Variants in PGGT1B observed in about 807,000 individuals in gnomAD.
PGGT1B encodes geranylgeranyl transferase type-1 subunit beta.
A neutral mutation model predicts 46.1 loss-of-function variants in PGGT1B; 30 were observed. The observed-to-expected ratio is 0.65, with a 90% CI of 0.49 to 0.88. The LOEUF (loss-of-function observed/expected upper bound fraction) is 0.88, where lower values mean the gene tolerates loss of function less well. Ranked by LOEUF, PGGT1B falls within the 40% of genes least tolerant of loss-of-function variation. The pLI is 0.00. For missense variants in PGGT1B, 376 were observed against 455.9 expected (o/e 0.82, Z 1.60); for synonymous variants, 170 against 160.0 (o/e 1.06, Z -0.47).
In PGGT1B at chr5:115,206,878, T is replaced by G. The variant is rs1024636256; in HGVS notation, c.*5524A>C. Reference sequence around the variant, plus strand: ...TGGTCCCCTCTAATTCTTTTCAGTTTCCATGGTTATTCTAGTATGTTCTCT... The same window carrying G: ...TGGTCCCCTCTAATTCTTTTCAGTTGCCATGGTTATTCTAGTATGTTCTCT... On this transcript the variant is annotated 3_prime_UTR_variant, in exon 9 of 9. Transcript: ENST00000419445. 25 of 151,886 alleles carry G rather than the reference T, an allele frequency of 1.6e-4. No individual in the cohort carries two copies. Among genetic ancestry groups the G allele is most frequent in the African/African-American group, 5.8e-4 (24 of 41,412 alleles). The allele number at this position is 151,886 out of a possible 1,614,324, so 9.4% of individuals were successfully genotyped here. A position where few individuals can be genotyped will look rare whatever the true frequency, so the allele number is the denominator to read the frequency against.
intron 6 of PGGT1B, among the ~76,000 whole-genome samples, chr5:115,229,831 T>C (rs766314939): frequency 2.0e-5 from 3 of 152,084 alleles, no homozygotes; most frequent in Non-Finnish European, 4.4e-5. Flanking sequence ...CTCCATCTCA[T>C]AGAGACTCAG....
At chr5:115,239,977 A>T (rs1757300824) in intron 3 of PGGT1B, among the ~76,000 whole-genome samples, 1 of 152,166 alleles carries the variant, frequency 6.6e-6, no homozygotes, top group Non-Finnish European at 1.5e-5. Flanking sequence ...CAGTGACAAT[A>T]TTTTATTCAT....
chr5:115,242,417 A>G (rs1283099572), intron 2 of PGGT1B, among the ~76,000 whole-genome samples: 1 of 152,206 alleles, frequency 6.6e-6, no homozygotes, highest in Non-Finnish European at 1.5e-5. Flanking sequence ...AAAAAAATCG[A>G]GTTGGTCTAA....
intron 7 of PGGT1B, among the ~76,000 whole-genome samples, chr5:115,218,080 G>C (rs1314391069): frequency 1.3e-5 from 2 of 151,704 alleles, no homozygotes; most frequent in Non-Finnish European, 3.0e-5. Context: ...ACCTTATATA[G>C]CATTGGAAGG....
intron 5 of PGGT1B, among the ~76,000 whole-genome samples, chr5:115,233,664 A>G (rs1273745695): frequency 6.6e-6 from 1 of 152,036 alleles, no homozygotes; most frequent in Admixed American, 6.6e-5. Context: ...AAAATGGTCA[A>G]TTACACTCAT....
At chr5:115,258,591 C>T (rs1424277849) in intron 1 of PGGT1B, among the ~76,000 whole-genome samples, 1 of 152,178 alleles carries the variant, frequency 6.6e-6, no homozygotes, top group African/African-American at 2.4e-5. Context: ...TTCTGCTCAA[C>T]ACTCACTTCT....
Position 115,253,234 on chromosome 5 carries a change from T to C in PGGT1B, c.162A>G (p.Ala54=). Residue 54 remains alanine, a synonymous_variant, in exon 2 of 9, where the codon GCA becomes GCG. Coordinates refer to ENST00000419445, the MANE Select transcript of PGGT1B (RefSeq NM_005023.4). ...AATCCAACATATCCAGCCCGGAGAGTGCAAAAAATGCAATTGTCAACCTAA... is the reference window on the plus strand; with the variant it reads ...AATCCAACATATCCAGCCCGGAGAGCGCAAAAAATGCAATTGTCAACCTAA... ...ETSRLTIAFF[A]LSGLDMLDSL... The C allele has an allele frequency of 1.9e-6, 3 of 1,575,304 alleles. No homozygotes were observed. The highest frequency in any genetic ancestry group is 1.7e-4 in the Middle Eastern group (1 of 5,956).
At chr5:115,225,439 G>T (rs1756742337) in intron 6 of PGGT1B, among the ~76,000 whole-genome samples, 1 of 152,120 alleles carries the variant, frequency 6.6e-6, no homozygotes, top group South Asian at 2.1e-4. Flanking sequence ...CAGTGTAACA[G>T]TTATAACTTA....
At chr5:115,256,012 T>A (rs1456183435) in intron 1 of PGGT1B, among the ~76,000 whole-genome samples, 1 of 152,150 alleles carries the variant, frequency 6.6e-6, no homozygotes, top group Non-Finnish European at 1.5e-5. Context: ...GGGTGTAAGG[T>A]GGGGTCTGGG....
At chr5:115,240,755 G>C (rs1757322998) in intron 3 of PGGT1B, among the ~76,000 whole-genome samples, 1 of 152,206 alleles carries the variant, frequency 6.6e-6, no homozygotes, top group Admixed American at 6.5e-5. Flanking sequence ...TGGATACTCA[G>C]CCCAACAAGA....
Position 115,210,717 on chromosome 5 carries a change from T to C in PGGT1B, c.*1685A>G, listed in dbSNP as rs1008704617. On this transcript the variant is annotated 3_prime_UTR_variant, in exon 9 of 9. Transcript: ENST00000419445. ...TTTATATAGTCCTAAAGCCATTATATATATGCTACTTTAACTTCCAATGTC... is the reference window on the plus strand; with the variant it reads ...TTTATATAGTCCTAAAGCCATTATACATATGCTACTTTAACTTCCAATGTC... The C allele has an allele frequency of 2.0e-5, 3 of 152,124 alleles. No individual in the cohort carries two copies. Among genetic ancestry groups the C allele is most frequent in the Non-Finnish European group, 2.9e-5 (2 of 67,962 alleles). 9.4% of individuals were successfully genotyped at this position (152,124 alleles called of 1,614,324 possible).
At chr5:115,255,794 A>C (rs531868096) in intron 1 of PGGT1B, among the ~76,000 whole-genome samples, 1 of 152,330 alleles carries the variant, frequency 6.6e-6, no homozygotes, top group South Asian at 2.1e-4. Flanking sequence ...TATAAAGCCC[A>C]AAAAATTCAA....
intron 8 of PGGT1B, among the ~76,000 whole-genome samples, chr5:115,212,881 AGTCATAT>A (rs1160881445): frequency 2.6e-5 from 4 of 152,234 alleles, no homozygotes; most frequent in Admixed American, 1.3e-4. Context: ...GAGTAGCAGC[AGTCATAT>A]GTAAGACTTC....
At chr5:115,254,117 T>C (rs925629266) in intron 1 of PGGT1B, among the ~76,000 whole-genome samples, 6 of 152,052 alleles carry the variant, frequency 3.9e-5, no homozygotes, top group African/African-American at 1.4e-4. Flanking sequence ...TATTCTGTAA[T>C]CTTTTCAATG....
intron 2 of PGGT1B, among the ~76,000 whole-genome samples, chr5:115,245,492 T>C (rs1029213063): frequency 6.6e-6 from 1 of 152,170 alleles, no homozygotes; most frequent in African/African-American, 2.4e-5. Flanking sequence ...TCTGAGCCAG[T>C]TTCTTCCATT....
intron 1 of PGGT1B, 58 bp downstream of exon 1, chr5:115,262,654 C>A (rs574652472): frequency 1.9e-6 from 3 of 1,545,242 alleles, no homozygotes; most frequent in Non-Finnish European, 2.6e-6. Context: ...GACTCCGCCG[C>A]GCCTTTCCGC....
At chr5:115,232,027 T>C (rs1561476625) in intron 5 of PGGT1B, among the ~76,000 whole-genome samples, 1 of 152,210 alleles carries the variant, frequency 6.6e-6, no homozygotes, top group East Asian at 1.9e-4. Flanking sequence ...ACTGTGGTTG[T>C]GTTCTTTGTC....
chr5:115,251,792 A>G (rs73257413), intron 2 of PGGT1B, among the ~76,000 whole-genome samples: 2,035 of 152,168 alleles, frequency 0.013, 47 homozygotes, highest in African/African-American at 0.046. Flanking sequence ...TGTACCATGT[A>G]AGATACATTT....
intron 2 of PGGT1B, among the ~76,000 whole-genome samples, chr5:115,245,542 T>A (rs961807799): frequency 5.9e-5 from 9 of 152,318 alleles, no homozygotes; most frequent in African/African-American, 1.9e-4. Flanking sequence ...GTAATATACT[T>A]CAGGCTTCTT....
Sources: gnomAD v4.1 joint callset for allele counts (sites outside exome capture counted in the v4.1 genomes callset) on GRCh38, gnomAD v4.1.1 for gene constraint, MANE v1.5 for transcripts, NCBI Gene and HGNC (gene_info 2026-07-23, HGNC 2026-07-21) for gene names.